Variants in TNFRSF11A observed in about 807,000 individuals in gnomAD.
TNFRSF11A encodes the protein tumor necrosis factor receptor superfamily member 11A.
In TNFRSF11A, 32 loss-of-function variants were observed where a neutral mutation model predicts 55.7. That is an observed-to-expected ratio of 0.57 (90% CI 0.43 to 0.77). The LOEUF is 0.77. Among genes scored for constraint, TNFRSF11A ranks in the 30% least tolerant of loss-of-function variants. The probability of loss-of-function intolerance (pLI) is 0.00; values close to 1 mark genes in which losing one functional copy is unlikely to be tolerated. For missense variants in TNFRSF11A, 753 were observed against 809.8 expected (o/e 0.93, Z 0.85); for synonymous variants, 311 against 331.0 (o/e 0.94, Z 0.65).
intron 3 of TNFRSF11A, 89 bp downstream of exon 3, chr18:62,350,026 T>C: frequency 6.4e-7 from 1 of 1,573,732 alleles, no homozygotes; most frequent in Non-Finnish European, 8.7e-7. Flanking sequence ...CAGCCAATGA[T>C]GTTTCGTTTC....
chr18:62,368,009 G>A lies in TNFRSF11A; in HGVS notation c.784-692G>A, dbSNP rs930189451. 7.2e-5 allele frequency among the ~76,000 whole-genome samples: 11 copies of A among 152,102 alleles called. 1 individual carries two copies. Among genetic ancestry groups the A allele is most frequent in the East Asian group, 5.8e-4 (3 of 5,180 alleles). On this transcript the variant is annotated intron_variant, in intron 8 of 9. Transcript: ENST00000586569. ...GGGTTTCACTGTGTTGCCCAGGCTGGTCTTGAACTCCTGAACTCAGGTGAT... is the reference window on the plus strand; with the variant it reads ...GGGTTTCACTGTGTTGCCCAGGCTGATCTTGAACTCCTGAACTCAGGTGAT...
intron 9 of TNFRSF11A, among the ~76,000 whole-genome samples, chr18:62,369,879 A>G (rs183487446): frequency 1.5e-4 from 23 of 152,350 alleles, no homozygotes; most frequent in Admixed American, 1.0e-3. Flanking sequence ...TTGTTTTCAA[A>G]GCACCTTAGG....
chr18:62,334,170 G>C (rs1284170642), intron 1 of TNFRSF11A, among the ~76,000 whole-genome samples: 1 of 152,010 alleles, frequency 6.6e-6, no homozygotes, highest in Non-Finnish European at 1.5e-5. Context: ...CTGGCCTCTA[G>C]AACTATTCTT....
intron 6 of TNFRSF11A, 27 bp downstream of exon 6, chr18:62,360,076 G>C: frequency 6.3e-7 from 1 of 1,599,858 alleles, no homozygotes; most frequent in Non-Finnish European, 8.6e-7. Flanking sequence ...CCTGTTGGTT[G>C]ATAGATGTGC....
At chr18:62,332,890 A>T (rs150090627) in intron 1 of TNFRSF11A, among the ~76,000 whole-genome samples, 2 of 152,200 alleles carry the variant, frequency 1.3e-5, no homozygotes, top group African/African-American at 4.8e-5. Context: ...GGAAGGTCGG[A>T]TGTCCCATTC....
chr18:62,362,906 C>G (rs1909798803), intron 7 of TNFRSF11A, among the ~76,000 whole-genome samples: 1 of 152,004 alleles, frequency 6.6e-6, no homozygotes, highest in South Asian at 2.1e-4. Context: ...TGTAGTGGCA[C>G]GATCTCGACT....
chr18:62,343,956 A>G (rs1162600829), intron 1 of TNFRSF11A, among the ~76,000 whole-genome samples: 1 of 152,232 alleles, frequency 6.6e-6, no homozygotes, highest in African/African-American at 2.4e-5. Flanking sequence ...ACTATACTCT[A>G]TCAATCCATG....
chr18:62,341,909 A>G (rs1366740466), intron 1 of TNFRSF11A, among the ~76,000 whole-genome samples: 5 of 137,038 alleles, frequency 3.6e-5, no homozygotes, highest in African/African-American at 1.4e-4. Context: ...AATATCAGGC[A>G]TTCTTCTCTC....
chr18:62,358,098 CAG>C (rs770884078), intron 4 of TNFRSF11A, 148 bp from the exon 5 acceptor site: 17 of 707,214 alleles, frequency 2.4e-5, no homozygotes, highest in Non-Finnish European at 3.9e-5. Context: ...AAGTTAGACA[CAG>C]GGGTGGGCAC....
In TNFRSF11A at chr18:62,366,853, C is replaced by A. The variant is rs1042453500; in HGVS notation, c.783+93C>A. The A allele has an allele frequency of 5.5e-6, 7 of 1,276,668 alleles. No individual in the cohort carries two copies. The African/African-American group carries it at 7.3e-5, about 13-fold the overall frequency. 79.1% of individuals were successfully genotyped at this position (1,276,668 alleles called of 1,614,324 possible). ...GTCACATATTGAGCACCCCCCCCCACCCCCACTTTTTTTGAGACGGAGTCT... is the reference window on the plus strand; with the variant it reads ...GTCACATATTGAGCACCCCCCCCCAACCCCACTTTTTTTGAGACGGAGTCT... On this transcript the variant is annotated intron_variant, in intron 8 of 9. Transcript: ENST00000586569.
intron 6 of TNFRSF11A, 28 bp from the exon 7 acceptor site, chr18:62,361,652 C>A: frequency 6.4e-7 from 1 of 1,568,626 alleles, no homozygotes; most frequent in Non-Finnish European, 8.8e-7. Context: ...ATCTTTACTA[C>A]CATATTTCTC....
At chr18:62,351,744 A>C (rs1401182672) in intron 3 of TNFRSF11A, among the ~76,000 whole-genome samples, 1 of 152,174 alleles carries the variant, frequency 6.6e-6, no homozygotes, top group Non-Finnish European at 1.5e-5. Context: ...CCAAGGACTT[A>C]TATTATGGAG....
At chr18:62,368,419 T>C (rs1179845297) in intron 8 of TNFRSF11A, among the ~76,000 whole-genome samples, 1 of 152,224 alleles carries the variant, frequency 6.6e-6, no homozygotes, top group Non-Finnish European at 1.5e-5. Context: ...GTCAGAATAC[T>C]GTGTTCAAAA....
rs1911938152 is a variant in TNFRSF11A at position 62,390,083 on chromosome 18, T to C, written c.*5049T>C. 1.3e-5 allele frequency: 2 copies of C among 152,226 alleles called. No individual in the cohort carries two copies. Among genetic ancestry groups the C allele is most frequent in the Admixed American group, 1.3e-4 (2 of 15,280 alleles). The allele number at this position is 152,226 out of a possible 1,614,324, so 9.4% of individuals were successfully genotyped here. On this transcript the variant is annotated 3_prime_UTR_variant, in exon 10 of 10. Transcript: ENST00000586569. Reference sequence around the variant, plus strand: ...AGAGATCTGACTGTCCTACACTACTTTCCCTCCCTGTCTCTGACACTTGTT... The same window carrying C: ...AGAGATCTGACTGTCCTACACTACTCTCCCTCCCTGTCTCTGACACTTGTT...
intron 3 of TNFRSF11A, among the ~76,000 whole-genome samples, chr18:62,352,951 G>A (rs537328388): frequency 1.3e-5 from 2 of 152,320 alleles, no homozygotes; most frequent in South Asian, 4.1e-4. Context: ...AATATAAGGT[G>A]CAGGGGCTGT....
chr18:62,360,775 A>T (rs4524034), intron 6 of TNFRSF11A, among the ~76,000 whole-genome samples: 3 of 151,994 alleles, frequency 2.0e-5, no homozygotes, highest in African/African-American at 7.3e-5. Context: ...GTAGAGTTTC[A>T]GATTGCCAGA....
chr18:62,366,885 G>C, intron 8 of TNFRSF11A, 125 bp downstream of exon 8: 3 of 1,013,070 alleles, frequency 3.0e-6, no homozygotes, highest in East Asian at 2.4e-5. Flanking sequence ...GTCTCGCTCT[G>C]TGCCTCAGGC....
intron 1 of TNFRSF11A, among the ~76,000 whole-genome samples, chr18:62,342,426 T>C (rs1344365543): frequency 1.7e-4 from 12 of 69,126 alleles, no homozygotes; most frequent in South Asian, 3.8e-4. Context: ...AAAAAAAAAA[T>C]CCTATATTCT....
In TNFRSF11A at chr18:62,382,107, CTTTTTTTTTT is replaced by C. The variant is rs574488222; in HGVS notation, c.1568-2628_1568-2619del. Reference sequence around the variant, plus strand: ...CTGGCTGATTATAGTTTCCTGAGTCCTTTTTTTTTTTTTTTTTTTTTTTTTGAGAGAGTCT... The same window carrying C: ...CTGGCTGATTATAGTTTCCTGAGTCCTTTTTTTTTTTTTTTGAGAGAGTCT... On this transcript the variant is annotated intron_variant, in intron 9 of 9. Transcript: ENST00000586569. Among the ~76,000 whole-genome samples the C allele has an allele frequency of 4.4e-4, 39 of 89,466 alleles. No individual in the cohort carries two copies. In the Middle Eastern group the frequency reaches 0.033, roughly 76 times the overall value. The allele number at this position is 89,466 out of a possible 152,430, so 58.7% of individuals were successfully genotyped here.
Sources: gnomAD v4.1 joint callset for allele counts (sites outside exome capture counted in the v4.1 genomes callset) on GRCh38, gnomAD v4.1.1 for gene constraint, MANE v1.5 for transcripts, NCBI Gene and HGNC (gene_info 2026-07-23, HGNC 2026-07-21) for gene names.